FAM91A1: variants seen among roughly 807,000 people sequenced by gnomAD.
FAM91A1 encodes family with sequence similarity 91 member A1.
Under a neutral mutation model 113.5 loss-of-function variants are expected in FAM91A1, and 41 were observed. The ratio of observed to expected loss-of-function variants is 0.36; its 90% CI spans 0.28 to 0.47. The LOEUF (loss-of-function observed/expected upper bound fraction) is 0.47, where lower values mean the gene tolerates loss of function less well. FAM91A1 is among the 20% of genes least tolerant of loss of function. The pLI, the probability that FAM91A1 is intolerant of heterozygous loss-of-function variation, is 1.00. For missense variants in FAM91A1, 696 were observed against 1,001.2 expected, an observed-to-expected ratio of 0.70 and a Z score of 4.11; for synonymous variants, 307 against 347.9, an observed-to-expected ratio of 0.88 and a Z score of 1.31.
chr8:123,785,425 G>A (rs1815228252), intron 10 of FAM91A1, among the ~76,000 whole-genome samples: 1 of 152,192 alleles, frequency 6.6e-6, no homozygotes, highest in African/African-American at 2.4e-5. Context: ...TGTAGGGAGG[G>A]CAAGGCCAGA....
In FAM91A1 at chr8:123,768,596, G is replaced by A. The variant is rs1376776372; in HGVS notation, c.-107G>A. ...CAGCCTGGGCCTTCTGCAGTGTGAG[G>A]CGCGGGGCCTCCCGCGTCGCTCCGC... On this transcript the variant is annotated 5_prime_UTR_variant, in exon 1 of 24. Transcript: ENST00000334705. 3.0e-6 allele frequency: 3 copies of A among 998,938 alleles called. No homozygotes were observed. In the Admixed American group the frequency reaches 9.2e-5, roughly 30 times the overall value. The allele number at this position is 998,938 out of a possible 1,614,324, so 61.9% of individuals were successfully genotyped here. A position where few individuals can be genotyped will look rare whatever the true frequency, so the allele number is the denominator to read the frequency against.
At chr8:123,784,975 T>A in intron 9 of FAM91A1, 106 bp from the exon 10 acceptor site, 1 of 745,858 alleles carries the variant, frequency 1.3e-6, no homozygotes, top group South Asian at 2.3e-5. Context: ...TTCTAATTAT[T>A]CATAACTTAA....
At chr8:123,783,267 A>G (rs980086567) in intron 8 of FAM91A1, among the ~76,000 whole-genome samples, 11 of 152,234 alleles carry the variant, frequency 7.2e-5, no homozygotes, top group Admixed American at 6.5e-5. Flanking sequence ...ATGAAAATGT[A>G]TATATAAAGT....
At position 123,808,927 on chromosome 8, in the gene FAM91A1, G is replaced by A; in HGVS notation, c.2172G>A (p.Glu724=). 1 of 1,612,174 alleles carries A rather than the reference G, an allele frequency of 6.2e-7. No homozygotes were observed. The highest frequency in any genetic ancestry group is 8.5e-7 in the Non-Finnish European group (1 of 1,179,156). Residue 724 remains glutamate (E), a synonymous_variant, in exon 22 of 24, where the codon GAG becomes GAA. Coordinates refer to ENST00000334705, the MANE Select transcript of FAM91A1 (RefSeq NM_144963.4). ...CAGAAGCAGATTGGGTTCCTCTCGA[G>A]CTGTGCTTTGGAATTCCACTGTTCA... is the stretch of plus-strand genomic sequence containing the variant. ...ATTEADWVPL[E]LCFGIPLFSS...
chr8:123,774,690 A>G (rs1179107184), intron 2 of FAM91A1, among the ~76,000 whole-genome samples: 1 of 152,006 alleles, frequency 6.6e-6, no homozygotes, highest in Non-Finnish European at 1.5e-5. Context: ...TTTTAAGCAT[A>G]ATATTTCTGA....
chr8:123,788,134 T>C, intron 14 of FAM91A1: 1 of 933,966 alleles, frequency 1.1e-6, no homozygotes. Flanking sequence ...TTTTGTTCCA[T>C]TTACCTTGAA....
At chr8:123,773,119 T>G (rs937240672) in intron 1 of FAM91A1, among the ~76,000 whole-genome samples, 14 of 152,238 alleles carry the variant, frequency 9.2e-5, no homozygotes, top group Admixed American at 4.6e-4. Flanking sequence ...CATCATGTTC[T>G]ATTTTTCTTA....
At chr8:123,777,711 G>A (rs1394513679) in intron 4 of FAM91A1, among the ~76,000 whole-genome samples, 2 of 152,176 alleles carry the variant, frequency 1.3e-5, no homozygotes, top group Non-Finnish European at 2.9e-5. Flanking sequence ...CTTTGGCAAA[G>A]TGTATATTTT....
At chr8:123,785,392 A>G (rs1485688381) in intron 10 of FAM91A1, among the ~76,000 whole-genome samples, 2 of 152,086 alleles carry the variant, frequency 1.3e-5, no homozygotes, top group Non-Finnish European at 2.9e-5. Flanking sequence ...TAAAGCAACA[A>G]CTCCTGCTTC....
chr8:123,787,179 G>A (rs1319156916), intron 12 of FAM91A1, 82 bp from the exon 13 acceptor site: 3 of 1,056,438 alleles, frequency 2.8e-6, no homozygotes, highest in African/African-American at 3.2e-5. Flanking sequence ...ATCAAATAAA[G>A]CTGAAATGAA....
intron 10 of FAM91A1, among the ~76,000 whole-genome samples, 177 bp downstream of exon 10, chr8:123,785,296 C>T (rs1312097519): frequency 1.3e-5 from 2 of 152,114 alleles, no homozygotes; most frequent in Admixed American, 1.3e-4. Context: ...GGAAAAGGGG[C>T]CCTAAATTGG....
chr8:123,811,611 T>A (rs1815957065), intron 23 of FAM91A1, among the ~76,000 whole-genome samples: 1 of 151,948 alleles, frequency 6.6e-6, no homozygotes, highest in African/African-American at 2.4e-5. Flanking sequence ...GGATCATGAA[T>A]GATTCTTATG....
rs372630069 is a variant in FAM91A1 at position 123,778,032 on chromosome 8, G to T, written c.375G>T (p.Arg125Ser). 3 of 1,612,120 alleles carry T rather than the reference G, an allele frequency of 1.9e-6. No individual in the cohort carries two copies. Among genetic ancestry groups the T allele is most frequent in the Non-Finnish European group, 2.5e-6 (3 of 1,178,950 alleles). The part of the protein sequence containing the change: ...LPNFTAADCL[R>S]LLGIGRNQYI... ...AAAGACTCTTTTTTTCAGGTCTAAG[G>T]CTTCTTGGCATAGGAAGAAACCAGT... Residue 125 changes from arginine to serine, a missense_variant, in exon 5 of 24, where the codon AGG becomes AGT. Coordinates refer to ENST00000334705, the MANE Select transcript of FAM91A1 (RefSeq NM_144963.4).
intron 8 of FAM91A1, 37 bp downstream of exon 8, chr8:123,780,579 T>C: frequency 6.4e-7 from 1 of 1,550,414 alleles, no homozygotes; most frequent in Admixed American, 1.7e-5. Context: ...GTTTTTTGAA[T>C]GGATATCAGG....
intron 14 of FAM91A1, among the ~76,000 whole-genome samples, chr8:123,788,871 T>C (rs1435394511): frequency 3.3e-5 from 5 of 152,184 alleles, no homozygotes; most frequent in Non-Finnish European, 7.4e-5. Context: ...TTAAAGTGGA[T>C]TCTTAGCTAT....
intron 1 of FAM91A1, among the ~76,000 whole-genome samples, chr8:123,772,438 C>T (rs1814872777): frequency 6.6e-6 from 1 of 152,162 alleles, no homozygotes; most frequent in African/African-American, 2.4e-5. Context: ...GTCAGTACAA[C>T]GACCCTGGCA....
chr8:123,768,490 C>G lies in FAM91A1; in HGVS notation c.-213C>G. 2.1e-6 allele frequency: 1 copy of G among 482,002 alleles called. No homozygotes were observed. Among genetic ancestry groups the G allele is most frequent in the South Asian group, 3.5e-5 (1 of 28,830 alleles). The allele number at this position is 482,002 out of a possible 1,614,324, so 29.9% of individuals were successfully genotyped here. A position where few individuals can be genotyped will look rare whatever the true frequency, so the allele number is the denominator to read the frequency against. ...AGGAAGAAACTTGGAGCTGTTCAGG[C>G]GATCCAGCCTCCAATCGCTGCTGCT... is the stretch of plus-strand genomic sequence containing the variant. On this transcript the variant is annotated 5_prime_UTR_variant, in exon 1 of 24. Transcript: ENST00000334705.
intron 22 of FAM91A1, among the ~76,000 whole-genome samples, chr8:123,809,672 A>C (rs1815903309): frequency 6.6e-6 from 1 of 152,230 alleles, no homozygotes; most frequent in South Asian, 2.1e-4. Context: ...TTCTTATTTT[A>C]GAAAATGAAG....
rs1283728502 is a variant in FAM91A1 at position 123,814,606 on chromosome 8, A to G, written c.*1902A>G. ...GAACCTAATAGTGATCATGAATTTTAGGGAAAGTACCGAAGAACCATGGGG... is the reference window on the plus strand; with the variant it reads ...GAACCTAATAGTGATCATGAATTTTGGGGAAAGTACCGAAGAACCATGGGG... On this transcript the variant is annotated 3_prime_UTR_variant, in exon 24 of 24. Coordinates refer to ENST00000334705, the MANE Select transcript of FAM91A1 (RefSeq NM_144963.4). The G allele has an allele frequency of 6.5e-6, 1 of 153,054 alleles. No individual in the cohort carries two copies. Among genetic ancestry groups the G allele is most frequent in the East Asian group, 1.9e-4 (1 of 5,216 alleles). The allele number at this position is 153,054 out of a possible 1,614,324, so 9.5% of individuals were successfully genotyped here.
Sources: allele counts gnomAD v4.1 joint callset (sites outside exome capture counted in the v4.1 genomes callset), GRCh38; gene constraint gnomAD v4.1.1; transcripts MANE v1.5; gene names NCBI Gene and HGNC (gene_info 2026-07-23, HGNC 2026-07-21).